Variants in RBFOX1 observed in about 807,000 individuals in gnomAD.
RBFOX1 encodes the protein RNA binding fox-1 homolog 1.
RBFOX1 carries 8 observed loss-of-function variants against 57.7 expected under a neutral mutation model. The ratio of observed to expected loss-of-function variants is 0.14; its 90% CI spans 0.08 to 0.25. The LOEUF is 0.25. RBFOX1 is among the 10% of genes least tolerant of loss of function. The pLI is 1.00. For missense variants in RBFOX1, 611 were observed against 548.5 expected (o/e 1.11, Z -1.14); for synonymous variants, 326 against 222.4 (o/e 1.47, Z -4.15).
intron 1 of RBFOX1, among the ~76,000 whole-genome samples, chr16:6,075,480 G>T (rs1352275554): frequency 6.6e-6 from 1 of 152,154 alleles, no homozygotes; most frequent in Non-Finnish European, 1.5e-5. Context: ...ATAAAATACT[G>T]CTTTAGAAAA....
At chr16:7,558,516 T>C (rs932711274) in intron 5 of RBFOX1, among the ~76,000 whole-genome samples, 32 of 152,136 alleles carry the variant, frequency 2.1e-4, no homozygotes, top group African/African-American at 7.2e-4. Context: ...TATATACATA[T>C]ACAACATATA....
chr16:7,458,299 C>G (rs896052640), intron 4 of RBFOX1, among the ~76,000 whole-genome samples: 1 of 152,136 alleles, frequency 6.6e-6, no homozygotes, highest in African/African-American at 2.4e-5. Flanking sequence ...GATTGTGTGT[C>G]TCTCTGCCTT....
At chr16:7,246,869 G>T (rs565691398) in intron 4 of RBFOX1, among the ~76,000 whole-genome samples, 4 of 152,046 alleles carry the variant, frequency 2.6e-5, no homozygotes, top group Admixed American at 1.3e-4. Context: ...TTGAACTCCA[G>T]TTCTGCCATC....
intron 2 of RBFOX1, among the ~76,000 whole-genome samples, chr16:5,534,921 C>T (rs2044637144): frequency 6.6e-6 from 1 of 152,190 alleles, no homozygotes; most frequent in Non-Finnish European, 1.5e-5. Flanking sequence ...GACCAATTTT[C>T]AGAATAGAGG....
intron 4 of RBFOX1, among the ~76,000 whole-genome samples, chr16:7,296,875 G>A (rs1176199078): frequency 1.3e-5 from 2 of 152,166 alleles, no homozygotes; most frequent in African/African-American, 4.8e-5. Flanking sequence ...CTAGCTTTGT[G>A]TCCCTTCCCT....
intron 4 of RBFOX1, among the ~76,000 whole-genome samples, chr16:7,460,389 A>ATATATATATATGTGTGTGTGTGTGTG: frequency 2.3e-5 from 2 of 87,264 alleles, no homozygotes; most frequent in Admixed American, 1.4e-4. Context: ...ATATATATAT[A>ATATATATATATGTGTGTGTGTGTGTG]TGTGTGTGTG....
chr16:6,818,160 G>C (rs2090511962), intron 3 of RBFOX1, among the ~76,000 whole-genome samples: 1 of 152,138 alleles, frequency 6.6e-6, no homozygotes, highest in Non-Finnish European at 1.5e-5. Context: ...TAGAGTACCA[G>C]GCATATGGCT....
intron 4 of RBFOX1, among the ~76,000 whole-genome samples, chr16:6,002,560 G>GAATCCATAATTGAGAGAAGAGA (rs1442664672): frequency 6.6e-6 from 1 of 152,168 alleles, no homozygotes; most frequent in African/African-American, 2.4e-5. Flanking sequence ...TGAGAGAAGT[G>GAATCCATAATTGAGAGAAGAGA]AATCCATAAT....
intron 1 of RBFOX1, among the ~76,000 whole-genome samples, chr16:6,047,230 G>A (rs1204141539): frequency 6.6e-6 from 1 of 152,194 alleles, no homozygotes; most frequent in Non-Finnish European, 1.5e-5. Flanking sequence ...GTATGTGCGT[G>A]TGTTTCCTCC....
At chr16:7,218,881 C>T (rs1280078110) in intron 4 of RBFOX1, among the ~76,000 whole-genome samples, 1 of 152,100 alleles carries the variant, frequency 6.6e-6, no homozygotes, top group Non-Finnish European at 1.5e-5. Context: ...AGCCTCGATG[C>T]ATCGCATGCA....
rs1922599 is a variant in RBFOX1, at chr16:7,251,653, C to G, written c.27+199555C>G. On this transcript the variant is annotated intron_variant, in intron 4 of 15. Coordinates refer to ENST00000550418, the MANE Select transcript of RBFOX1 (RefSeq NM_018723.4). The stretch of plus-strand genomic sequence containing the variant: ...TTGCCTGGTCTTGAACTCCTGACCT[C>G]AAGTGATCTGCTCACCTCAGCCTCG... 2.7e-3 allele frequency among the ~76,000 whole-genome samples: 415 copies of G among 152,194 alleles called. 2 individuals carry two copies. The highest frequency in any genetic ancestry group is 9.2e-3 in the African/African-American group (384 of 41,528).
At chr16:5,494,476 C>G (rs2042936317) in intron 2 of RBFOX1, among the ~76,000 whole-genome samples, 1 of 152,198 alleles carries the variant, frequency 6.6e-6, no homozygotes, top group African/African-American at 2.4e-5. Flanking sequence ...ATTGATGGAT[C>G]TTGGGTCTGT....
rs111471312 is a variant in RBFOX1 at position 5,447,203 on chromosome 16, C to T, written c.220-20013C>T. Among the ~76,000 whole-genome samples the T allele has an allele frequency of 7.9e-3, 1,200 of 152,228 alleles. 21 individuals are homozygous for T. The highest frequency in any genetic ancestry group is 0.027 in the African/African-American group (1,125 of 41,544). On this transcript the variant is annotated intron_variant, in intron 1 of 2. Coordinates refer to the RBFOX1 transcript ENST00000585867. The stretch of plus-strand genomic sequence containing the variant: ...AACCTTCCCCTCAAAGGAGTATTGT[C>T]CTGCCACCTTCTTGGTGAAGGCAGT...
At chr16:6,606,537 C>T (rs1035605713) in intron 2 of RBFOX1, among the ~76,000 whole-genome samples, 1 of 152,122 alleles carries the variant, frequency 6.6e-6, no homozygotes, top group African/African-American at 2.4e-5. Context: ...CTCTACGAGG[C>T]CCCATTGTGT....
chr16:6,070,354 A>G (rs1353473995), intron 1 of RBFOX1, among the ~76,000 whole-genome samples: 1 of 152,226 alleles, frequency 6.6e-6, no homozygotes, highest in Admixed American at 6.5e-5. Context: ...TTAAAAATCC[A>G]GTGAGTGCCT....
At chr16:5,533,026 G>A (rs1046727677) in intron 2 of RBFOX1, among the ~76,000 whole-genome samples, 3 of 152,122 alleles carry the variant, frequency 2.0e-5, no homozygotes, top group African/African-American at 7.2e-5. Flanking sequence ...GCATTGCAAT[G>A]AGTTATATGA....
intron 13 of RBFOX1, 99 bp downstream of exon 13, chr16:7,665,067 C>T: frequency 6.2e-7 from 1 of 1,608,372 alleles, no homozygotes; most frequent in Non-Finnish European, 8.5e-7. Flanking sequence ...AGTTGAGTTT[C>T]TCTCCTTGGT....
At chr16:7,209,917 C>G (rs1034772434) in intron 4 of RBFOX1, among the ~76,000 whole-genome samples, 4 of 152,190 alleles carry the variant, frequency 2.6e-5, no homozygotes, top group African/African-American at 4.8e-5. Flanking sequence ...TTCCATGATG[C>G]ACCATAGAGT....
intron 1 of RBFOX1, among the ~76,000 whole-genome samples, chr16:5,335,193 A>C (rs995630849): frequency 1.5e-5 from 1 of 67,308 alleles, no homozygotes; most frequent in Admixed American, 2.1e-4. Flanking sequence ...CTGCAATTTA[A>C]AAAATTGGGT....
Sources: gnomAD v4.1 joint callset for allele counts (sites outside exome capture counted in the v4.1 genomes callset) on GRCh38, gnomAD v4.1.1 for gene constraint, MANE v1.5 for transcripts, NCBI Gene and HGNC (gene_info 2026-07-23, HGNC 2026-07-21) for gene names.